ACTR3: variants seen among roughly 807,000 people sequenced by gnomAD.
ACTR3 encodes the protein actin related protein 3, also known as actin-related protein 3.
In ACTR3, 12 loss-of-function variants were observed where a neutral mutation model predicts 56.8. That is an observed-to-expected ratio of 0.21 (90% CI 0.14 to 0.34). The LOEUF (loss-of-function observed/expected upper bound fraction) is 0.34. Among genes scored for constraint, ACTR3 ranks in the 10% least tolerant of loss-of-function variants. The pLI, the probability that ACTR3 is intolerant of heterozygous loss-of-function variation, is 1.00. For synonymous variants in ACTR3, 162 were observed against 167.4 expected (o/e 0.97, Z 0.25); for missense variants, 282 against 512.5 (o/e 0.55, Z 4.34).
intron 6 of ACTR3, among the ~76,000 whole-genome samples, chr2:113,934,958 A>G (rs536898996): frequency 1.5e-4 from 23 of 152,194 alleles, no homozygotes; most frequent in Non-Finnish European, 3.4e-4. Flanking sequence ...TTAAATGGGT[A>G]TATAGAGAAA....
intron 4 of ACTR3, among the ~76,000 whole-genome samples, chr2:113,929,440 G>T (rs1185436996): frequency 2.0e-5 from 3 of 151,964 alleles, no homozygotes; most frequent in African/African-American, 7.3e-5. Flanking sequence ...CTAGTTTTTG[G>T]TTATAATAAA....
rs1680336702 is a variant in ACTR3 at position 113,962,173 on chromosome 2, C to T, written c.*4718C>T. 3 of 151,844 alleles carry T rather than the reference C, an allele frequency of 2.0e-5. No individual in the cohort carries two copies. The allele number at this position is 151,844 out of a possible 1,614,324, so 9.4% of individuals were successfully genotyped here. A position where few individuals can be genotyped will look rare whatever the true frequency, so the allele number is the denominator to read the frequency against. ...TTTTTTTCTGTTCCACTAGTTTCTA[C>T]CTTAGAAGTGACATTCTGCGTAAGG... On this transcript the variant is annotated 3_prime_UTR_variant, in exon 12 of 12. Coordinates refer to ENST00000263238, the MANE Select transcript of ACTR3 (RefSeq NM_005721.5).
In ACTR3 at chr2:113,934,234, T is replaced by G. The variant is rs200973917; in HGVS notation, c.433-45T>G. ...TTCGATTAACTCTTTGTTTTTTTGT[T>G]TTTTTTTTTTGTTTTTTTGCCTTTC... On this transcript the variant is annotated intron_variant, in intron 5 of 11. Transcript: ENST00000263238. 2.6e-5 allele frequency: 33 copies of G among 1,281,352 alleles called. 1 individual carries two copies. The highest frequency in any genetic ancestry group is 1.9e-4 in the Middle Eastern group (1 of 5,164). 79.4% of individuals were successfully genotyped at this position (1,281,352 alleles called of 1,614,324 possible). A position where few individuals can be genotyped will look rare whatever the true frequency, so the allele number is the denominator to read the frequency against.
chr2:113,946,498 CAT>C (rs1160375487), intron 8 of ACTR3, among the ~76,000 whole-genome samples: 2 of 151,958 alleles, frequency 1.3e-5, no homozygotes, highest in Non-Finnish European at 2.9e-5. Context: ...TTTTTGGCCA[CAT>C]ATATGTCTTC....
intron 11 of ACTR3, among the ~76,000 whole-genome samples, chr2:113,956,587 G>C (rs1433154574): frequency 2.0e-5 from 3 of 151,988 alleles, no homozygotes; most frequent in African/African-American, 7.3e-5. Context: ...TGAATAAAGG[G>C]AATTATTCTA....
chr2:113,891,386 C>G (rs1364382371), intron 1 of ACTR3, among the ~76,000 whole-genome samples: 1 of 152,138 alleles, frequency 6.6e-6, no homozygotes, highest in East Asian at 1.9e-4. Flanking sequence ...TGTAGAGTGG[C>G]TTTAAAGTGT....
chr2:113,946,016 TACC>T (rs1157050769), intron 8 of ACTR3, among the ~76,000 whole-genome samples: 1 of 152,242 alleles, frequency 6.6e-6, no homozygotes, highest in East Asian at 1.9e-4. Flanking sequence ...GGTGTATATG[TACC>T]ACATTTTCTT....
Position 113,890,185 on chromosome 2 carries a change from G to A in ACTR3, c.-95G>A. ...CGGACGGTGAAGGCGGCCCAGCTGT[G>A]GATGGTCAGATAGCCCTTGTCTCCC... On this transcript the variant is annotated 5_prime_UTR_variant, in exon 1 of 12. Transcript: ENST00000263238. The A allele has an allele frequency of 6.6e-7, 1 of 1,509,692 alleles. No homozygotes were observed. Among genetic ancestry groups the A allele is most frequent in the South Asian group, 1.2e-5 (1 of 83,190 alleles). 93.5% of individuals were successfully genotyped at this position (1,509,692 alleles called of 1,614,324 possible).
rs551365950 is a variant in ACTR3 at position 113,911,822 on chromosome 2, C to T, written c.45-1350C>T. On this transcript the variant is annotated intron_variant, in intron 1 of 11. Transcript: ENST00000263238. ...TGTGATCTCGGCTCACTGCAACCTC[C>T]GCCTCCTAAGTTCAAGCGATTCTCT... 5.5e-4 allele frequency among the ~76,000 whole-genome samples: 83 copies of T among 150,796 alleles called. 1 individual carries two copies. Among genetic ancestry groups the T allele is most frequent in the Non-Finnish European group, 9.8e-4 (66 of 67,546 alleles).
At chr2:113,949,308 G>T (rs1680076779) in intron 8 of ACTR3, among the ~76,000 whole-genome samples, 3 of 147,350 alleles carry the variant, frequency 2.0e-5, no homozygotes, top group African/African-American at 7.6e-5. Context: ...AACCCAGGAG[G>T]CAGAGGTTGC....
chr2:113,923,022 G>T (rs1456821552), intron 3 of ACTR3, among the ~76,000 whole-genome samples: 1 of 152,220 alleles, frequency 6.6e-6, no homozygotes, highest in African/African-American at 2.4e-5. Context: ...AAGTCAGTCA[G>T]TCGAGAGGCC....
intron 2 of ACTR3, among the ~76,000 whole-genome samples, chr2:113,914,179 T>C (rs1679359788): frequency 1.4e-5 from 2 of 142,292 alleles, no homozygotes; most frequent in Admixed American, 6.7e-5. Flanking sequence ...TGTTTCAGAA[T>C]CAATGAAGTT....
At chr2:113,920,273 G>A (rs966026114) in intron 3 of ACTR3, among the ~76,000 whole-genome samples, 3 of 152,044 alleles carry the variant, frequency 2.0e-5, no homozygotes, top group African/African-American at 4.8e-5. Flanking sequence ...GCCCATGCTC[G>A]TCTCAAACTC....
At chr2:113,935,802 G>A (rs991252251) in intron 6 of ACTR3, among the ~76,000 whole-genome samples, 2 of 151,996 alleles carry the variant, frequency 1.3e-5, no homozygotes, top group African/African-American at 4.8e-5. Flanking sequence ...TTAATAAAAT[G>A]CAAATAATTG....
chr2:113,919,486 A>G (rs1679466809), intron 3 of ACTR3, among the ~76,000 whole-genome samples: 1 of 152,198 alleles, frequency 6.6e-6, no homozygotes, highest in Non-Finnish European at 1.5e-5. Context: ...GTCATTTAAC[A>G]TGGTACCCTA....
In ACTR3 at chr2:113,942,177, G is replaced by GT. The variant is rs751732936; in HGVS notation, c.685-4dup. 5.2e-6 allele frequency: 8 copies of GT among 1,537,670 alleles called. No individual in the cohort carries two copies. The highest frequency in any genetic ancestry group is 1.7e-4 in the Middle Eastern group (1 of 5,776). On this transcript the variant is annotated splice_polypyrimidine_tract_variant and intron_variant, in intron 7 of 11. Transcript: ENST00000263238. ...CAAAAAAAGTTACTTTTGTTTCTTT[G>GT]TTTTTCAGGAGCGCTATAGTTATGT...
intron 3 of ACTR3, among the ~76,000 whole-genome samples, chr2:113,920,764 CT>C: frequency 6.6e-6 from 1 of 152,252 alleles, no homozygotes; most frequent in South Asian, 2.1e-4. Flanking sequence ...TAGTCCCTGG[CT>C]TATTTCACTT....
chr2:113,903,681 A>G (rs1285802646), intron 1 of ACTR3, among the ~76,000 whole-genome samples: 1 of 151,184 alleles, frequency 6.6e-6, no homozygotes, highest in East Asian at 2.0e-4. Context: ...TTTAGTAGAG[A>G]TGGAGTCTCG....
intron 6 of ACTR3, 56 bp from the exon 7 acceptor site, chr2:113,939,903 T>A: frequency 6.6e-7 from 1 of 1,504,980 alleles, no homozygotes; most frequent in Non-Finnish European, 9.0e-7. Flanking sequence ...ATTTTTGGGT[T>A]ATATTAATTT....
Sources: allele counts gnomAD v4.1 joint callset (sites outside exome capture counted in the v4.1 genomes callset), GRCh38; gene constraint gnomAD v4.1.1; transcripts MANE v1.5; gene names NCBI Gene and HGNC (gene_info 2026-07-23, HGNC 2026-07-21).